The following DAB1 variants were observed in gnomAD, a reference collection of about 807,000 sequenced individuals.
The protein encoded by DAB1 is disabled homolog 1.
In DAB1, 15 loss-of-function variants were observed where a neutral mutation model predicts 64.6. The observed-to-expected ratio is 0.23, with a 90% CI of 0.16 to 0.36. DAB1 has a LOEUF of 0.36. Among genes scored for constraint, DAB1 ranks in the 10% least tolerant of loss-of-function variants. DAB1 has a pLI of 1.00. For synonymous variants in DAB1, 235 were observed against 251.9 expected, an observed-to-expected ratio of 0.93 and a Z score of 0.64; for missense variants, 596 against 706.7, an observed-to-expected ratio of 0.84 and a Z score of 1.78.
intron 5 of DAB1, among the ~76,000 whole-genome samples, chr1:58,118,585 T>G (rs1652530866): frequency 1.1e-5 from 1 of 90,454 alleles, no homozygotes; most frequent in Non-Finnish European, 1.9e-5. Flanking sequence ...TATACATATA[T>G]ATATAAAATA....
chr1:57,924,433 C>A (rs1397085558), intron 5 of DAB1, among the ~76,000 whole-genome samples: 1 of 152,082 alleles, frequency 6.6e-6, no homozygotes, highest in African/African-American at 2.4e-5. Flanking sequence ...TAGCTTCTCA[C>A]TGGGGGACCA....
chr1:57,736,849 A>G (rs910357002), intron 6 of DAB1, among the ~76,000 whole-genome samples: 3 of 152,158 alleles, frequency 2.0e-5, no homozygotes, highest in African/African-American at 7.2e-5. Flanking sequence ...TGCTAGAATC[A>G]GTTGTGTCAG....
chr1:57,129,826 C>A (rs567147616), intron 4 of DAB1, among the ~76,000 whole-genome samples: 2 of 152,028 alleles, frequency 1.3e-5, no homozygotes, highest in Admixed American at 1.3e-4. Flanking sequence ...TGGTATATAG[C>A]ATCTTGGGCT....
chr1:57,839,742 GT>G (rs1472001364), intron 1 of DAB1, among the ~76,000 whole-genome samples: 9 of 152,176 alleles, frequency 5.9e-5, no homozygotes, highest in Admixed American at 2.0e-4. Context: ...CTGTTTTACT[GT>G]TACTTTGTGT....
chr1:57,547,231 A>C (rs1644866355), intron 7 of DAB1, among the ~76,000 whole-genome samples: 1 of 152,204 alleles, frequency 6.6e-6, no homozygotes, highest in African/African-American at 2.4e-5. Flanking sequence ...CAGTTACCCA[A>C]CTGAAGTACT....
chr1:57,100,306 TGTTTTTCAGATATTA>T (rs140295679), intron 4 of DAB1, among the ~76,000 whole-genome samples: 10,699 of 152,242 alleles, frequency 0.07, 901 homozygotes, highest in African/African-American at 0.2. Flanking sequence ...TTGTTATTGT[TGTTTTTCAGATATTA>T]GTACATATCC....
rs939426686 is a variant in DAB1, at chr1:58,086,408, G to C, written n.387+64103C>G. Among the ~76,000 whole-genome samples, 12 of 152,216 alleles carry C rather than the reference G, an allele frequency of 7.9e-5. 1 individual carries two copies. In the South Asian group the frequency reaches 2.5e-3, roughly 32 times the overall value. On this transcript the variant is annotated intron_variant and non_coding_transcript_variant, in intron 5 of 20. Coordinates refer to the DAB1 transcript ENST00000485760. ...AGTCTCCTACCTGTAGACATAGCTG[G>C]AATGATTTAAAGCACCCTACTGAGA...
chr1:57,564,752 C>G (rs537499967), intron 7 of DAB1, among the ~76,000 whole-genome samples: 3 of 152,144 alleles, frequency 2.0e-5, no homozygotes, highest in African/African-American at 7.2e-5. Context: ...TGAACAAAGC[C>G]TCCAAGAAAT....
intron 4 of DAB1, among the ~76,000 whole-genome samples, chr1:57,103,288 A>ACTGC (rs1654847818): frequency 6.6e-6 from 1 of 152,138 alleles, no homozygotes; most frequent in African/African-American, 2.4e-5. Context: ...CTTACACGTC[A>ACTGC]CTGCAGATGT....
chr1:57,937,542 A>G (rs533381976), intron 5 of DAB1, among the ~76,000 whole-genome samples: 2 of 152,184 alleles, frequency 1.3e-5, no homozygotes, highest in South Asian at 4.1e-4. Flanking sequence ...GAGGCAGGGA[A>G]CAAGAGGAGA....
At position 58,398,077 on chromosome 1, in the gene DAB1, G is replaced by A. The variant is rs540692953; in HGVS notation, n.258-54674C>T. Among the ~76,000 whole-genome samples, 70 of 152,178 alleles carry A rather than the reference G, an allele frequency of 4.6e-4. 1 individual carries two copies. Among genetic ancestry groups the A allele is most frequent in the African/African-American group, 1.4e-3 (60 of 41,520 alleles). On this transcript the variant is annotated intron_variant and non_coding_transcript_variant, in intron 3 of 20. Transcript: ENST00000485760. Reference sequence around the variant, plus strand: ...CCCTGGCACTGCGCACATGGATTCCGATCTATCTTCACAGCTGCCAGAATG... The same window carrying A: ...CCCTGGCACTGCGCACATGGATTCCAATCTATCTTCACAGCTGCCAGAATG...
At chr1:57,725,815 G>A (rs972878852) in intron 6 of DAB1, among the ~76,000 whole-genome samples, 88 of 151,602 alleles carry the variant, frequency 5.8e-4, no homozygotes, top group African/African-American at 1.9e-3. Flanking sequence ...GCGGTGGCGC[G>A]ATCTCAGCTT....
chr1:57,146,090 T>A (rs967952121), intron 2 of DAB1, among the ~76,000 whole-genome samples: 2 of 152,328 alleles, frequency 1.3e-5, no homozygotes, highest in East Asian at 3.9e-4. Flanking sequence ...CTAAGACACA[T>A]CAACCAGGAG....
rs570724915 is a variant in DAB1, at chr1:58,069,361, C to G, written n.387+81150G>C. Among the ~76,000 whole-genome samples, 3 of 152,322 alleles carry G rather than the reference C, an allele frequency of 2.0e-5. No homozygotes were observed. The South Asian group carries it at 6.2e-4, about 32-fold the overall frequency. ...CCAACCGAGGCACCGTCCTCTAAAA[C>G]AACAGTACTTACTGTCCTGATTTAA... On this transcript the variant is annotated intron_variant and non_coding_transcript_variant, in intron 5 of 20. Transcript: ENST00000485760.
At chr1:57,775,603 C>A (rs949201537) in intron 6 of DAB1, among the ~76,000 whole-genome samples, 1 of 151,350 alleles carries the variant, frequency 6.6e-6, no homozygotes, top group Admixed American at 6.6e-5. Flanking sequence ...GAACAGAGAA[C>A]CTTGTTTTAT....
At chr1:57,242,000 A>G (rs1428358243) in intron 2 of DAB1, among the ~76,000 whole-genome samples, 2 of 152,204 alleles carry the variant, frequency 1.3e-5, no homozygotes, top group Non-Finnish European at 2.9e-5. Context: ...TCAATCTTAT[A>G]TTAAAGACTT....
chr1:57,363,537 A>T (rs72674872), intron 1 of DAB1, among the ~76,000 whole-genome samples: 39,043 of 152,164 alleles, frequency 0.26, 5,347 homozygotes, highest in Non-Finnish European at 0.31. Flanking sequence ...TGATAATAAT[A>T]GTTCTCACCT....
intron 7 of DAB1, among the ~76,000 whole-genome samples, chr1:57,552,944 A>G (rs1454637161): frequency 1.3e-5 from 2 of 152,080 alleles, no homozygotes; most frequent in Admixed American, 6.6e-5. Flanking sequence ...TTTGGGATAT[A>G]TTAAGGGGCC....
chr1:58,194,904 C>T (rs978996070), intron 4 of DAB1, among the ~76,000 whole-genome samples: 8 of 152,150 alleles, frequency 5.3e-5, no homozygotes, highest in African/African-American at 9.7e-5. Flanking sequence ...CTGTTCAACC[C>T]GTGGCCATAC....
Sources: allele counts gnomAD v4.1 joint callset (sites outside exome capture counted in the v4.1 genomes callset), GRCh38; gene constraint gnomAD v4.1.1; transcripts MANE v1.5; gene names NCBI Gene and HGNC (gene_info 2026-07-23, HGNC 2026-07-21).